ACBD6: variants seen among roughly 807,000 people sequenced by gnomAD.
ACBD6 encodes the protein acyl-CoA binding domain containing 6, also known as acyl-CoA-binding domain-containing protein 6.
In ACBD6, 28 loss-of-function variants were observed where a neutral mutation model predicts 37.2. The ratio of observed to expected loss-of-function variants is 0.75; its 90% confidence interval spans 0.56 to 1.03. The LOEUF is 1.03. Among genes scored for constraint, ACBD6 ranks in the 50% least tolerant of loss-of-function variants. The probability of loss-of-function intolerance (pLI) is 0.00; values close to 1 mark genes in which losing one functional copy is unlikely to be tolerated. For missense variants in ACBD6, 340 were observed against 337.4 expected (o/e 1.01, Z -0.06); for synonymous variants, 113 against 126.8 (o/e 0.89, Z 0.73).
exon 14 of ACBD6, chr1:180,271,700 T>G: frequency 7.0e-6 from 9 of 1,280,736 alleles, no homozygotes; most frequent in Non-Finnish European, 1.0e-5. Context: ...GGAGAGGGGG[T>G]GGGGCGCATC....
chr1:180,272,113 C>G (rs1648708344), intron 13 of ACBD6: 1 of 987,440 alleles, frequency 1.0e-6, no homozygotes, highest in Admixed American at 2.8e-5. Context: ...GCAACTCCCT[C>G]CTGAACACAG....
At chr1:180,271,188 T>TG in exon 14 of ACBD6, 2 of 665,316 alleles carry the variant, frequency 3.0e-6, no homozygotes, top group Non-Finnish European at 5.5e-6. Flanking sequence ...TTCAGTGGCT[T>TG]GGGAAGGCCC....
chr1:180,357,685 A>C (rs1652681110), intron 6 of ACBD6, among the ~76,000 whole-genome samples: 1 of 152,342 alleles, frequency 6.6e-6, no homozygotes, highest in South Asian at 2.1e-4. Context: ...GACAGGTCTC[A>C]GTAGAGGTTC....
intron 7 of ACBD6, among the ~76,000 whole-genome samples, chr1:180,288,887 T>C (rs1275624641): frequency 3.3e-5 from 5 of 152,180 alleles, no homozygotes; most frequent in African/African-American, 1.2e-4. Flanking sequence ...GTGCAGGATA[T>C]GTCAAAAGGC....
chr1:180,467,196 C>T (rs1051329891), intron 3 of ACBD6, among the ~76,000 whole-genome samples: 11 of 152,036 alleles, frequency 7.2e-5, no homozygotes, highest in Non-Finnish European at 1.2e-4. Context: ...CCTCCCATCT[C>T]AGCCTTCTGA....
chr1:180,338,409 C>CAA (rs1224703502), intron 6 of ACBD6, among the ~76,000 whole-genome samples: 1 of 152,052 alleles, frequency 6.6e-6, no homozygotes, highest in East Asian at 1.9e-4. Flanking sequence ...ACAAACCTGA[C>CAA]AAAAACAAGC....
At chr1:180,279,067 G>A (rs1649218345) in intron 9 of ACBD6, 2 of 151,956 alleles carry the variant, frequency 1.3e-5, no homozygotes, top group Non-Finnish European at 2.9e-5. Flanking sequence ...GTGATGTGAG[G>A]TCCTTTCCTT....
At chr1:180,370,863 T>C (rs1653236842) in intron 6 of ACBD6, among the ~76,000 whole-genome samples, 1 of 152,086 alleles carries the variant, frequency 6.6e-6, no homozygotes, top group Non-Finnish European at 1.5e-5. Context: ...GTTGTTTTAT[T>C]ATTATTTTAA....
intron 6 of ACBD6, among the ~76,000 whole-genome samples, chr1:180,318,378 T>A (rs1339184229): frequency 6.6e-6 from 1 of 152,096 alleles, no homozygotes; most frequent in Non-Finnish European, 1.5e-5. Flanking sequence ...TTATTTGAAC[T>A]GAGGGAGGGG....
chr1:180,444,705 G>A (rs1008575098), intron 3 of ACBD6, among the ~76,000 whole-genome samples: 8 of 135,460 alleles, frequency 5.9e-5, no homozygotes, highest in African/African-American at 2.0e-4. Context: ...TCACTTTTAT[G>A]TTGCATCAGC....
chr1:180,351,574 G>A (rs896697041), intron 6 of ACBD6, among the ~76,000 whole-genome samples: 3 of 133,328 alleles, frequency 2.3e-5, no homozygotes, highest in South Asian at 2.4e-4. Flanking sequence ...TGCCTGGCCC[G>A]ATATTACGTT....
chr1:180,454,273 G>A (rs1649826721), intron 3 of ACBD6, among the ~76,000 whole-genome samples: 1 of 152,196 alleles, frequency 6.6e-6, no homozygotes, highest in African/African-American at 2.4e-5. Flanking sequence ...AAGCAATGGG[G>A]AAAGGATTCC....
intron 6 of ACBD6, among the ~76,000 whole-genome samples, chr1:180,333,837 G>T (rs1309495792): frequency 6.6e-6 from 1 of 152,216 alleles, no homozygotes; most frequent in Non-Finnish European, 1.5e-5. Flanking sequence ...CTTTTCCAAT[G>T]GTCTTAGCAA....
rs567722269 is a variant in ACBD6, at chr1:180,445,766, GA to G, written c.385-15505del. Among the ~76,000 whole-genome samples, 14 of 141,692 alleles carry G rather than the reference GA, an allele frequency of 9.9e-5. No individual in the cohort carries two copies. The East Asian group carries it at 1.2e-3, about 12-fold the overall frequency. The allele number at this position is 141,692 out of a possible 152,430, so 93.0% of individuals were successfully genotyped here. A position where few individuals can be genotyped will look rare whatever the true frequency, so the allele number is the denominator to read the frequency against. On this transcript the variant is annotated intron_variant, in intron 3 of 7. Transcript: ENST00000367595. Reference sequence around the variant, plus strand: ...ATGGTGAGACCCTGTCTCTACAAAAGAAAAAAAAAAGATTTGATGAAATATA... The same window carrying G: ...ATGGTGAGACCCTGTCTCTACAAAAGAAAAAAAAAGATTTGATGAAATATA...
chr1:180,271,379 G>C, exon 14 of ACBD6: 1 of 1,614,202 alleles, frequency 6.2e-7, no homozygotes, highest in South Asian at 1.1e-5. Flanking sequence ...TTTCCTTGCA[G>C]ATGACTCAGA....
At chr1:180,370,398 A>G (rs1362150169) in intron 6 of ACBD6, among the ~76,000 whole-genome samples, 1 of 152,098 alleles carries the variant, frequency 6.6e-6, no homozygotes, top group Non-Finnish European at 1.5e-5. Context: ...TAAAGGAACA[A>G]TCATTTTGCA....
chr1:180,420,370 C>T (rs1252756175), intron 4 of ACBD6, among the ~76,000 whole-genome samples: 1 of 152,206 alleles, frequency 6.6e-6, no homozygotes, highest in Non-Finnish European at 1.5e-5. Flanking sequence ...TCAGGCATGA[C>T]GGTTTTCACC....
At chr1:180,460,696 G>A (rs1479131675) in intron 3 of ACBD6, among the ~76,000 whole-genome samples, 1 of 152,166 alleles carries the variant, frequency 6.6e-6, no homozygotes, top group African/African-American at 2.4e-5. Flanking sequence ...ACAAAAAAGT[G>A]GCCAGACTCT....
chr1:180,486,091 G>A (rs1003697558), intron 3 of ACBD6, among the ~76,000 whole-genome samples: 2 of 152,044 alleles, frequency 1.3e-5, no homozygotes, highest in Non-Finnish European at 2.9e-5. Flanking sequence ...AATAGACCAG[G>A]CCCTGACCAT....
Sources: allele counts gnomAD v4.1 joint callset (sites outside exome capture counted in the v4.1 genomes callset), GRCh38; gene constraint gnomAD v4.1.1; transcripts MANE v1.5; gene names NCBI Gene and HGNC (gene_info 2026-07-23, HGNC 2026-07-21).